The following CCDC122 variants were observed in gnomAD, a reference collection of about 807,000 sequenced individuals.
CCDC122 encodes coiled-coil domain containing 122.
In CCDC122, 38 loss-of-function variants were observed where a neutral mutation model predicts 37.0. The observed-to-expected ratio is 1.03, with a 90% CI of 0.79 to 1.35. The LOEUF (loss-of-function observed/expected upper bound fraction) is 1.35. CCDC122 is among the 40% of genes most tolerant of loss of function. The pLI, the probability that CCDC122 is intolerant of heterozygous loss-of-function variation, is 0.00. For synonymous variants in CCDC122, 83 were observed against 95.6 expected, an observed-to-expected ratio of 0.87 and a Z score of 0.77; for missense variants, 305 against 310.0, an observed-to-expected ratio of 0.98 and a Z score of 0.12.
intron 2 of CCDC122, among the ~76,000 whole-genome samples, chr13:43,870,094 T>C (rs909585117): frequency 1.3e-5 from 2 of 152,120 alleles, no homozygotes; most frequent in Non-Finnish European, 2.9e-5. Context: ...ATTTAAAGGA[T>C]TGAAACCTGA....
chr13:43,856,642 A>T (rs9567288), intron 6 of CCDC122: 1 of 139,574 alleles, frequency 7.2e-6, no homozygotes, highest in Non-Finnish European at 1.5e-5. Context: ...AAAAAAAAAA[A>T]AGAAAAGAAA....
intron 5 of CCDC122, among the ~76,000 whole-genome samples, 177 bp from the exon 6 acceptor site, chr13:43,859,074 A>G (rs557372368): frequency 6.6e-6 from 1 of 152,278 alleles, no homozygotes; most frequent in Non-Finnish European, 1.5e-5. Flanking sequence ...TACTCAAAGA[A>G]ACCTTACATT....
chr13:43,870,556 A>G (rs1193631987), intron 2 of CCDC122, among the ~76,000 whole-genome samples: 1 of 152,124 alleles, frequency 6.6e-6, no homozygotes, highest in African/African-American at 2.4e-5. Flanking sequence ...TACTTACATC[A>G]TACTTACTTT....
intron 4 of CCDC122, among the ~76,000 whole-genome samples, chr13:43,865,034 G>A (rs1036964242): frequency 7.9e-5 from 12 of 152,130 alleles, no homozygotes; most frequent in South Asian, 4.1e-4. Context: ...CTGGAAGAGT[G>A]GAGCGCCCAG....
intron 6 of CCDC122, among the ~76,000 whole-genome samples, chr13:43,846,719 T>C (rs970009820): frequency 2.0e-5 from 3 of 152,184 alleles, no homozygotes; most frequent in African/African-American, 7.2e-5. Context: ...GCATTCTAAT[T>C]GTTTCCCAAC....
chr13:43,819,825 A>C (rs1003790354), downstream of CCDC122, among the ~76,000 whole-genome samples: 1 of 152,140 alleles, frequency 6.6e-6, no homozygotes, highest in Non-Finnish European at 1.5e-5. Flanking sequence ...AAATAAGATG[A>C]AATAAAGATT....
chr13:43,841,455 T>C (rs1953348417), intron 6 of CCDC122, among the ~76,000 whole-genome samples: 1 of 152,184 alleles, frequency 6.6e-6, no homozygotes, highest in Non-Finnish European at 1.5e-5. Context: ...GTGTGAATAG[T>C]ATCTCATTGT....
intron 3 of CCDC122, among the ~76,000 whole-genome samples, chr13:43,829,450 C>A (rs1285416334): frequency 6.6e-6 from 1 of 151,938 alleles, no homozygotes; most frequent in Non-Finnish European, 1.5e-5. Context: ...AGACTACAGG[C>A]GTGTGCCACT....
chr13:43,839,118 A>G (rs1360493016), intron 6 of CCDC122, among the ~76,000 whole-genome samples: 1 of 152,162 alleles, frequency 6.6e-6, no homozygotes, highest in Non-Finnish European at 1.5e-5. Context: ...GAAAAAATGT[A>G]TTAGTAGGGG....
At chr13:43,837,740 T>C (rs147384564) in intron 6 of CCDC122, among the ~76,000 whole-genome samples, 7 of 152,156 alleles carry the variant, frequency 4.6e-5, no homozygotes, top group Non-Finnish European at 8.8e-5. Flanking sequence ...CAAAGTTTCA[T>C]AGCTAGCAAG....
chr13:43,840,095 T>C (rs1027717171), intron 6 of CCDC122, among the ~76,000 whole-genome samples: 2 of 152,206 alleles, frequency 1.3e-5, no homozygotes, highest in South Asian at 2.1e-4. Flanking sequence ...CAGCTGTTGT[T>C]ACAGACACAT....
chr13:43,850,220 A>C (rs937873966), intron 6 of CCDC122, among the ~76,000 whole-genome samples: 1 of 152,214 alleles, frequency 6.6e-6, no homozygotes, highest in Admixed American at 6.5e-5. Flanking sequence ...GGCCACCTGG[A>C]AATAGTGAAG....
At chr13:43,872,940 CACTGT>C (rs1190263297) in intron 2 of CCDC122, among the ~76,000 whole-genome samples, 2 of 152,152 alleles carry the variant, frequency 1.3e-5, no homozygotes, top group East Asian at 3.9e-4. Flanking sequence ...AGTCATTTAT[CACTGT>C]ACTTTTAAAA....
At chr13:43,844,838 A>C (rs1407870137) in intron 6 of CCDC122, among the ~76,000 whole-genome samples, 2 of 152,042 alleles carry the variant, frequency 1.3e-5, no homozygotes, top group African/African-American at 4.8e-5. Flanking sequence ...TTTAACTTTC[A>C]AACTATGTGT....
chr13:43,847,686 A>G (rs1292066362), intron 6 of CCDC122, among the ~76,000 whole-genome samples: 1 of 152,164 alleles, frequency 6.6e-6, no homozygotes. Flanking sequence ...TACAAAAGAG[A>G]ATAATTAGTT....
At position 43,858,810 on chromosome 13, in the gene CCDC122, T is replaced by C. The variant is rs772594271; in HGVS notation, c.643A>G (p.Thr215Ala). The change falls in exon 6 of 7, where the codon ACA becomes GCA. Residue 215 changes from threonine to alanine, a missense_variant. Transcript: ENST00000444614. ...KTCFLEEEKK[T>A]HEKLRKEIEV... Reference sequence around the variant, plus strand: ...ATTTCTTTTCTTAATTTTTCATGTGTCTTTTTTTCTTCCTCAAGAAAACAA... The same window carrying C: ...ATTTCTTTTCTTAATTTTTCATGTGCCTTTTTTTCTTCCTCAAGAAAACAA... 2.1e-6 allele frequency: 3 copies of C among 1,427,006 alleles called. No individual in the cohort carries two copies. The highest frequency in any genetic ancestry group is 4.9e-5 in the East Asian group (2 of 40,446). 88.4% of individuals were successfully genotyped at this position (1,427,006 alleles called of 1,614,324 possible). A position where few individuals can be genotyped will look rare whatever the true frequency, so the allele number is the denominator to read the frequency against.
Position 43,870,934 on chromosome 13 carries a change from G to C in CCDC122, c.-113-1445C>G, listed in dbSNP as rs75727215. On this transcript the variant is annotated intron_variant, in intron 2 of 6. Coordinates refer to ENST00000444614, the MANE Select transcript of CCDC122 (RefSeq NM_144974.5). ...TAGAGTCATCCCACAGTATATGCAG[G>C]GGATTTGTACCAAGTTACCCCCTTC... 2.9e-4 allele frequency among the ~76,000 whole-genome samples: 44 copies of C among 152,134 alleles called. No homozygotes were observed. In the East Asian group the frequency reaches 8.5e-3, roughly 29 times the overall value.
chr13:43,834,438 C>G (rs1953120609), downstream of CCDC122, among the ~76,000 whole-genome samples: 1 of 152,144 alleles, frequency 6.6e-6, no homozygotes, highest in South Asian at 2.1e-4. Context: ...GCAATGGCAA[C>G]AAAAGCCAAA....
chr13:43,869,476 G>C lies in CCDC122; in HGVS notation c.-100C>G. On this transcript the variant is annotated 5_prime_UTR_variant, in exon 3 of 7. Coordinates refer to ENST00000444614, the MANE Select transcript of CCDC122 (RefSeq NM_144974.5). ...TCTTTCACTTTTGTTTTTTCCTGTT[G>C]TATATTGGTGATCCTGAAAGGTAAA... 1 of 868,612 alleles carries C rather than the reference G, an allele frequency of 1.2e-6. No homozygotes were observed. The highest frequency in any genetic ancestry group is 1.8e-6 in the Non-Finnish European group (1 of 560,744). The allele number at this position is 868,612 out of a possible 1,614,324, so 53.8% of individuals were successfully genotyped here.
Sources: gnomAD v4.1 joint callset for allele counts (sites outside exome capture counted in the v4.1 genomes callset) on GRCh38, gnomAD v4.1.1 for gene constraint, MANE v1.5 for transcripts, NCBI Gene and HGNC (gene_info 2026-07-23, HGNC 2026-07-21) for gene names.